MYOM3: variants seen among roughly 807,000 people sequenced by gnomAD.
The protein encoded by MYOM3 is myomesin-3.
In MYOM3, 155 loss-of-function variants were observed where a neutral mutation model predicts 191.7. The observed-to-expected ratio is 0.81, with a 90% CI of 0.71 to 0.92. The LOEUF (loss-of-function observed/expected upper bound fraction) is 0.92, where lower values mean the gene tolerates loss of function less well. Ranked by LOEUF, MYOM3 falls within the 40% of genes least tolerant of loss-of-function variation. MYOM3 has a pLI of 0.00. For missense variants in MYOM3, 1,889 were observed against 1,890.6 expected, an observed-to-expected ratio of 1.00 and a Z score of 0.02; for synonymous variants, 757 against 762.9, an observed-to-expected ratio of 0.99 and a Z score of 0.13.
At position 24,082,040 on chromosome 1, in the gene MYOM3, A is replaced by G. The variant is rs1461640864; in HGVS notation, c.2241T>C (p.His747=). The change falls in exon 18 of 37, where the codon CAT becomes CAC. Residue 747 remains histidine (H), a synonymous_variant. Coordinates refer to ENST00000374434, the MANE Select transcript of MYOM3 (RefSeq NM_152372.4). ...DQHDSEELDW[H]AVNQQPIPTR... ...TGGGGATGGGCTGCTGATTGACCGC[A>G]TGCCAGTCCAGCTCTTCCGAGTCAT... is the stretch of plus-strand genomic sequence containing the variant. The G allele has an allele frequency of 6.2e-7, 1 of 1,612,266 alleles. No individual in the cohort carries two copies. Among genetic ancestry groups the G allele is most frequent in the Non-Finnish European group, 8.5e-7 (1 of 1,179,914 alleles).
intron 35 of MYOM3, among the ~76,000 whole-genome samples, chr1:24,059,835 A>G (rs1285754869): frequency 6.6e-6 from 1 of 152,142 alleles, no homozygotes; most frequent in African/African-American, 2.4e-5. Flanking sequence ...AGCTGTGGGA[A>G]CAGGACGGGT....
Position 24,082,715 on chromosome 1 carries a change from C to T in MYOM3, c.1971-1G>A, listed in dbSNP as rs772962987. On this transcript the variant is annotated splice_acceptor_variant, in intron 16 of 36. Transcript: ENST00000374434. LOFTEE classifies it high-confidence loss of function. Reference sequence around the variant, plus strand: ...CGTCCTCAGCCCGGGAACTGTAAACCTGGGAGAGAAATGTGCAGCTTTCAT... The same window carrying T: ...CGTCCTCAGCCCGGGAACTGTAAACTTGGGAGAGAAATGTGCAGCTTTCAT... 2.3e-5 allele frequency: 36 copies of T among 1,597,600 alleles called. No homozygotes were observed. The East Asian group carries it at 7.5e-4, about 33-fold the overall frequency.
At chr1:24,103,815 TC>T (rs201462636) in intron 5 of MYOM3, among the ~76,000 whole-genome samples, 1 of 151,384 alleles carries the variant, frequency 6.6e-6, no homozygotes, top group Non-Finnish European at 1.5e-5. Context: ...TGCACAGATC[TC>T]CCCCCGCCCC....
chr1:24,060,928 T>A, intron 35 of MYOM3, 132 bp downstream of exon 35: 1 of 985,888 alleles, frequency 1.0e-6, no homozygotes, highest in South Asian at 1.4e-5. Context: ...TCCCTGCAGC[T>A]CTGTAAGACC....
chr1:24,089,454 G>C, intron 14 of MYOM3, 84 bp downstream of exon 14: 1 of 1,450,660 alleles, frequency 6.9e-7, no homozygotes, highest in Non-Finnish European at 9.1e-7. Context: ...TTCTCTGACG[G>C]CCTCCCCAGG....
intron 3 of MYOM3, 76 bp downstream of exon 3, chr1:24,107,917 G>A (rs1237485451): frequency 7.7e-7 from 1 of 1,297,438 alleles, no homozygotes; most frequent in African/African-American, 1.5e-5. Flanking sequence ...GGGGTGAAAG[G>A]CCAGCAGGGA....
intron 12 of MYOM3, among the ~76,000 whole-genome samples, chr1:24,090,553 C>T (rs1486068485): frequency 6.6e-6 from 1 of 152,184 alleles, no homozygotes; most frequent in Non-Finnish European, 1.5e-5. Context: ...TCCCATTAGA[C>T]TAGCTGTATC....
chr1:24,101,098 C>T (rs1221364588), intron 5 of MYOM3, among the ~76,000 whole-genome samples: 1 of 152,080 alleles, frequency 6.6e-6, no homozygotes, highest in Non-Finnish European at 1.5e-5. Flanking sequence ...CAAGCGGGGA[C>T]AAGAGTCATG....
intron 4 of MYOM3, 130 bp downstream of exon 4, chr1:24,106,943 G>C (rs1397018474): frequency 3.5e-6 from 3 of 845,086 alleles, no homozygotes; most frequent in Non-Finnish European, 5.3e-6. Context: ...TGGAATGTAG[G>C]GGCATCAGAT....
chr1:24,102,568 G>A (rs1185258595), intron 5 of MYOM3, among the ~76,000 whole-genome samples: 1 of 152,140 alleles, frequency 6.6e-6, no homozygotes, highest in Non-Finnish European at 1.5e-5. Context: ...GAAAATAAGA[G>A]CAGGCATAGT....
chr1:24,081,008 G>C (rs180963050), intron 19 of MYOM3, among the ~76,000 whole-genome samples: 2 of 152,350 alleles, frequency 1.3e-5, no homozygotes, highest in Admixed American at 6.5e-5. Context: ...ACCAGGACTA[G>C]TTACTCACCC....
At position 24,065,935 on chromosome 1, in the gene MYOM3, G is replaced by A. The variant is rs756529236; in HGVS notation, c.3490C>T (p.Gln1164Ter). Residue 1164 changes from glutamine (Q) to a stop codon, truncating the protein, a stop_gained, in exon 29 of 37, where the codon CAG becomes TAG. Coordinates refer to ENST00000374434, the MANE Select transcript of MYOM3 (RefSeq NM_152372.4). LOFTEE classifies it high-confidence loss of function. Reference protein sequence around the residue: ...FFQRAEMPDGQYDPETGTGLL... With the variant: ...FFQRAEMPDG ...CCCGTTCCCGTCTCTGGGTCATACT[G>A]ACCATCTGGCATCTCTGCCCTCTGG... 6.2e-7 allele frequency: 1 copy of A among 1,614,102 alleles called. No individual in the cohort carries two copies. Among genetic ancestry groups the A allele is most frequent in the South Asian group, 1.1e-5 (1 of 91,072 alleles).
chr1:24,067,354 T>TTCTTTCTTTCTTTC (rs1553155388), intron 27 of MYOM3, among the ~76,000 whole-genome samples: 87 of 71,814 alleles, frequency 1.2e-3, no homozygotes, highest in Non-Finnish European at 1.6e-3. Context: ...CTTTCTTTCT[T>TTCTTTCTTTCTTTC]TCTTTCTTTC....
At chr1:24,060,237 G>T (rs567335193) in intron 35 of MYOM3, among the ~76,000 whole-genome samples, 1 of 152,088 alleles carries the variant, frequency 6.6e-6, no homozygotes, top group Non-Finnish European at 1.5e-5. Context: ...CCACCGAGGC[G>T]CCCCTCAGCC....
intron 15 of MYOM3, among the ~76,000 whole-genome samples, chr1:24,086,334 G>C (rs1570873618): frequency 1.3e-5 from 2 of 152,272 alleles, no homozygotes; most frequent in Admixed American, 6.5e-5. Context: ...GGGCAGGCCA[G>C]AGACCTGTGG....
chr1:24,095,834 C>T (rs373058752), intron 7 of MYOM3, among the ~76,000 whole-genome samples: 6 of 152,130 alleles, frequency 3.9e-5, no homozygotes, highest in Non-Finnish European at 5.9e-5. Context: ...CTCAGAGGCG[C>T]GGGGATTTCT....
intron 22 of MYOM3, 85 bp from the exon 23 acceptor site, chr1:24,074,354 G>T: frequency 9.8e-7 from 1 of 1,024,756 alleles, no homozygotes; most frequent in Non-Finnish European, 1.5e-6. Context: ...AGTCCAGGTT[G>T]CTTCTGGTGA....
chr1:24,096,050 C>T (rs959065275), intron 7 of MYOM3, among the ~76,000 whole-genome samples: 2 of 152,172 alleles, frequency 1.3e-5, no homozygotes, highest in Admixed American at 1.3e-4. Context: ...TCACAACAGC[C>T]CTGTCAGTTG....
chr1:24,091,863 C>G (rs1329961329), intron 11 of MYOM3, among the ~76,000 whole-genome samples: 2 of 152,220 alleles, frequency 1.3e-5, no homozygotes, highest in African/African-American at 4.8e-5. Flanking sequence ...AGGAAACTAG[C>G]CCACGAATTC....
Sources: gnomAD v4.1 joint callset for allele counts (sites outside exome capture counted in the v4.1 genomes callset) on GRCh38, gnomAD v4.1.1 for gene constraint, MANE v1.5 for transcripts, NCBI Gene and HGNC (gene_info 2026-07-23, HGNC 2026-07-21) for gene names.